LSAMP: variants seen among roughly 807,000 people sequenced by gnomAD.
The protein encoded by LSAMP is limbic system associated membrane protein, also known as limbic system-associated membrane protein.
LSAMP carries 7 observed loss-of-function variants against 38.6 expected under a neutral mutation model. That is an observed-to-expected ratio of 0.18 (90% CI 0.10 to 0.34). LSAMP has a LOEUF of 0.34. Ranked by LOEUF, LSAMP falls within the 10% of genes least tolerant of loss-of-function variation. The pLI is 1.00. For missense variants in LSAMP, 313 were observed against 420.0 expected (o/e 0.75, Z 2.23); for synonymous variants, 154 against 166.8 (o/e 0.92, Z 0.59).
chr3:116,107,693 T>TA (rs1708500171), intron 1 of LSAMP, among the ~76,000 whole-genome samples: 1 of 152,226 alleles, frequency 6.6e-6, no homozygotes, highest in South Asian at 2.1e-4. Context: ...CTTGCGGCAG[T>TA]ACAGCCCAGG....
At position 115,810,293 on chromosome 3, in the gene LSAMP, A is replaced by G. The variant is rs1480133913; in HGVS notation, c.*24T>C. ...GTGACGCATTTTTGTGTGTTTTTTAAATTATTTTTAAATTTTTATTCTATT... is the reference window on the plus strand; with the variant it reads ...GTGACGCATTTTTGTGTGTTTTTTAGATTATTTTTAAATTTTTATTCTATT... On this transcript the variant is annotated 3_prime_UTR_variant, in exon 7 of 7. Coordinates refer to ENST00000490035, the MANE Select transcript of LSAMP (RefSeq NM_002338.5). 14 of 1,484,278 alleles carry G rather than the reference A, an allele frequency of 9.4e-6. No homozygotes were observed. The highest frequency in any genetic ancestry group is 1.3e-5 in the Non-Finnish European group (14 of 1,089,240). The allele number at this position is 1,484,278 out of a possible 1,614,324, so 91.9% of individuals were successfully genotyped here.
At position 116,270,753 on chromosome 3, in the gene LSAMP, C is replaced by A. The variant is rs146369654; in HGVS notation, c.155+174124G>T. ...GTTTATCCTGTACAAGCTGCAAACA[C>A]AGAATGTCACTTTATAGAAAAAGTT... On this transcript the variant is annotated intron_variant, in intron 1 of 6. Coordinates refer to ENST00000490035, the MANE Select transcript of LSAMP (RefSeq NM_002338.5). Among the ~76,000 whole-genome samples, 274 of 152,190 alleles carry A rather than the reference C, an allele frequency of 1.8e-3. 2 individuals are homozygous for A. Among genetic ancestry groups the A allele is most frequent in the African/African-American group, 6.2e-3 (259 of 41,530 alleles).
chr3:116,047,726 G>T (rs1014982869), intron 2 of LSAMP, among the ~76,000 whole-genome samples: 10 of 152,118 alleles, frequency 6.6e-5, no homozygotes, highest in African/African-American at 2.4e-4. Context: ...CATTTCCATA[G>T]ATGTTGTCAT....
chr3:115,967,517 C>T (rs1938857980), intron 3 of LSAMP, among the ~76,000 whole-genome samples: 1 of 152,178 alleles, frequency 6.6e-6, no homozygotes, highest in Non-Finnish European at 1.5e-5. Flanking sequence ...AAGTCGCTTC[C>T]ACATTTCCAT....
rs1920371 is a variant in LSAMP at position 116,139,793 on chromosome 3, C to T, written c.156-53237G>A. ...ATGCAGCTAGAGACAACAAACTGCT[C>T]TCTGTTCTTTTGCTAGCCAGGCACT... On this transcript the variant is annotated intron_variant, in intron 1 of 6. Coordinates refer to ENST00000490035, the MANE Select transcript of LSAMP (RefSeq NM_002338.5). 2.5e-3 allele frequency among the ~76,000 whole-genome samples: 374 copies of T among 152,044 alleles called. 3 individuals are homozygous for T. The highest frequency in any genetic ancestry group is 8.7e-3 in the African/African-American group (363 of 41,506).
intron 1 of LSAMP, among the ~76,000 whole-genome samples, chr3:116,383,255 C>A (rs983238996): frequency 1.3e-5 from 2 of 151,990 alleles, no homozygotes; most frequent in African/African-American, 4.8e-5. Context: ...TTTTCTACTC[C>A]CTCTTCTAAA....
chr3:116,296,962 A>C (rs1308804443), intron 1 of LSAMP, among the ~76,000 whole-genome samples: 1 of 152,154 alleles, frequency 6.6e-6, no homozygotes, highest in Non-Finnish European at 1.5e-5. Context: ...TAAATTAAAA[A>C]CAACATGTTC....
At chr3:115,871,491 G>A (rs1471316640) in intron 3 of LSAMP, among the ~76,000 whole-genome samples, 1 of 152,030 alleles carries the variant, frequency 6.6e-6, no homozygotes, top group Non-Finnish European at 1.5e-5. Context: ...TAGCAGTGCA[G>A]TGCTGAAATG....
chr3:116,064,459 A>G (rs1941647655), intron 2 of LSAMP, among the ~76,000 whole-genome samples: 1 of 151,688 alleles, frequency 6.6e-6, no homozygotes, highest in South Asian at 2.1e-4. Flanking sequence ...AAGTTGCAGT[A>G]AGCCAAGATC....
intron 2 of LSAMP, among the ~76,000 whole-genome samples, chr3:116,067,738 G>T (rs1707495078): frequency 6.6e-6 from 1 of 152,082 alleles, no homozygotes; most frequent in African/African-American, 2.4e-5. Flanking sequence ...TGATACAGGA[G>T]AGTTCATCTC....
At chr3:116,107,145 A>G (rs1287360574) in intron 1 of LSAMP, among the ~76,000 whole-genome samples, 6 of 152,316 alleles carry the variant, frequency 3.9e-5, no homozygotes, top group African/African-American at 1.4e-4. Flanking sequence ...CAGGCGGATC[A>G]GAGAGATACA....
intron 1 of LSAMP, among the ~76,000 whole-genome samples, chr3:116,371,954 A>G (rs1188014153): frequency 1.3e-5 from 2 of 152,100 alleles, no homozygotes; most frequent in Admixed American, 6.6e-5. Flanking sequence ...ACAACAAAAT[A>G]CTTAGGAATA....
intron 1 of LSAMP, among the ~76,000 whole-genome samples, chr3:116,333,761 G>T (rs1409638455): frequency 2.0e-5 from 3 of 151,858 alleles, no homozygotes; most frequent in African/African-American, 7.2e-5. Flanking sequence ...GGGACATATT[G>T]AAAGTGCTGA....
At chr3:115,933,054 G>A (rs955296285) in intron 3 of LSAMP, among the ~76,000 whole-genome samples, 1 of 152,170 alleles carries the variant, frequency 6.6e-6, no homozygotes, top group Non-Finnish European at 1.5e-5. Flanking sequence ...AATGGAATAA[G>A]CGAAGTGAGA....
In LSAMP at chr3:115,963,810, G is replaced by T. The variant is rs77000745; in HGVS notation, c.514+55705C>A. 3.9e-4 allele frequency among the ~76,000 whole-genome samples: 60 copies of T among 152,198 alleles called. No homozygotes were observed. The East Asian group carries it at 0.011, about 27-fold the overall frequency. ...GCTGTGTTGCCCAGGCTGGAGTGCA[G>T]TGGCACAATCACAGCTCACTGCAGC... is the stretch of plus-strand genomic sequence containing the variant. On this transcript the variant is annotated intron_variant, in intron 3 of 6. Coordinates refer to ENST00000490035, the MANE Select transcript of LSAMP (RefSeq NM_002338.5).
intron 6 of LSAMP, among the ~76,000 whole-genome samples, chr3:115,829,546 A>C (rs753622054): frequency 1.3e-5 from 2 of 152,160 alleles, no homozygotes; most frequent in Admixed American, 1.3e-4. Context: ...TAAAAAGGGA[A>C]ATCTTTCCTA....
chr3:116,226,702 A>G (rs1198785326), intron 1 of LSAMP, among the ~76,000 whole-genome samples: 1 of 152,246 alleles, frequency 6.6e-6, no homozygotes, highest in East Asian at 1.9e-4. Flanking sequence ...TGTAATGGAC[A>G]TGTCACAGAT....
intron 2 of LSAMP, among the ~76,000 whole-genome samples, chr3:116,035,141 A>C (rs1366964078): frequency 6.6e-6 from 1 of 152,198 alleles, no homozygotes; most frequent in Non-Finnish European, 1.5e-5. Flanking sequence ...GATGTTTTTT[A>C]AAGTATCTTA....
At chr3:116,195,677 A>T (rs1222812279) in intron 1 of LSAMP, among the ~76,000 whole-genome samples, 7 of 151,454 alleles carry the variant, frequency 4.6e-5, no homozygotes, top group Non-Finnish European at 8.8e-5. Flanking sequence ...ATATATTTTT[A>T]AAAAACTGTT....
Sources: allele counts gnomAD v4.1 joint callset (sites outside exome capture counted in the v4.1 genomes callset), GRCh38; gene constraint gnomAD v4.1.1; transcripts MANE v1.5; gene names NCBI Gene and HGNC (gene_info 2026-07-23, HGNC 2026-07-21).